The following MATN3 variants were observed in gnomAD, a reference collection of about 807,000 sequenced individuals.
MATN3 encodes matrilin 3.
In MATN3, 48 loss-of-function variants were observed where a neutral mutation model predicts 45.3. The ratio of observed to expected loss-of-function variants is 1.06; its 90% confidence interval spans 0.84 to 1.35. The LOEUF is 1.35. MATN3 is among the 40% of genes most tolerant of loss of function. The pLI is 0.00. For missense variants in MATN3, 599 were observed against 628.0 expected (o/e 0.95, Z 0.49); for synonymous variants, 217 against 245.9 (o/e 0.88, Z 1.10).
At chr2:19,998,893 A>C (rs1334965002) in intron 5 of MATN3, among the ~76,000 whole-genome samples, 1 of 152,154 alleles carries the variant, frequency 6.6e-6, no homozygotes, top group African/African-American at 2.4e-5. Flanking sequence ...CTATGTAACC[A>C]CTAGAGGAAG....
At position 20,005,868 on chromosome 2, in the gene MATN3, C is replaced by T. The variant is rs1297090342; in HGVS notation, c.666G>A (p.Val222=). The change falls in exon 2 of 8, where the codon GTG becomes GTA. Residue 222 remains valine (V), a synonymous_variant. Transcript: ENST00000407540. ...TGAGGGACGCCATGTCTGCCCGGTC[C>T]ACGCCCACAGCATAGAGCTCAATAC... is the stretch of plus-strand genomic sequence containing the variant. ...ASGIELYAVG[V]DRADMASLKM... 1 of 1,609,094 alleles carries T rather than the reference C, an allele frequency of 6.2e-7. No homozygotes were observed. The highest frequency in any genetic ancestry group is 2.2e-5 in the East Asian group (1 of 44,646).
chr2:20,002,607 T>C (rs1220379767), intron 3 of MATN3, among the ~76,000 whole-genome samples: 1 of 152,128 alleles, frequency 6.6e-6, no homozygotes, highest in Non-Finnish European at 1.5e-5. Flanking sequence ...TTTTTGTGTG[T>C]GTGGGTTCTG....
intron 4 of MATN3, among the ~76,000 whole-genome samples, chr2:20,001,424 T>G (rs933187574): frequency 6.6e-6 from 1 of 152,212 alleles, no homozygotes; most frequent in Admixed American, 6.5e-5. Context: ...ACTGGAAAAC[T>G]ATTTTGTGAA....
Position 20,006,255 on chromosome 2 carries a change from G to A in MATN3, c.279C>T (p.Ser93=), listed in dbSNP as rs370980605. The A allele has an allele frequency of 8.4e-5, 135 of 1,606,840 alleles. No individual in the cohort carries two copies. Among genetic ancestry groups the A allele is most frequent in the Non-Finnish European group, 1.1e-4 (127 of 1,177,596 alleles). The change falls in exon 2 of 8, where the codon AGC becomes AGT. Residue 93 remains serine, a synonymous_variant. Transcript: ENST00000407540. ...DLVFIIDSSR[S]VRPLEFTKVK... The stretch of plus-strand genomic sequence containing the variant: ...CTTTGGTGAATTCCAGGGGCCGTAC[G>A]CTACGAGAACTATCAATGATAAACA...
At chr2:20,005,331 T>G (rs932573402) in intron 2 of MATN3, among the ~76,000 whole-genome samples, 2 of 152,138 alleles carry the variant, frequency 1.3e-5, no homozygotes, top group African/African-American at 4.8e-5. Context: ...AGAGTTCTGT[T>G]AGATCTAGAG....
chr2:20,012,580 AG>A lies in MATN3; in HGVS notation c.51del (p.Trp18GlyfsTer85). On this transcript the variant is annotated frameshift_variant, in exon 1 of 8. Coordinates refer to ENST00000407540, the MANE Select transcript of MATN3 (RefSeq NM_002381.5). LOFTEE classifies it high-confidence loss of function. This position sits in a 1 kb window ranked among gnomAD's most constrained non-coding sequence, Gnocchi z 4.3. ...GCGGAGGGCAGCAGCAGCAGCGGCC[AG>A]AGCAGCAGGAGGAGTCCCGGGAGGC... ...ARRLPGLLLL[L>X]WPLLLLPSAA... 1 of 1,226,062 alleles carries A rather than the reference AG, an allele frequency of 8.2e-7. No individual in the cohort carries two copies. Among genetic ancestry groups the A allele is most frequent in the Non-Finnish European group, 1.0e-6 (1 of 985,196 alleles). 75.9% of individuals were successfully genotyped at this position (1,226,062 alleles called of 1,614,324 possible).
In MATN3 at chr2:20,012,561, G is replaced by A. The variant is rs1021441621; in HGVS notation, c.71C>T (p.Pro24Leu). The A allele has an allele frequency of 4.5e-5, 55 of 1,227,198 alleles. No homozygotes were observed. Among genetic ancestry groups the A allele is most frequent in the Admixed American group, 8.5e-5 (2 of 23,404 alleles). 76.0% of individuals were successfully genotyped at this position (1,227,198 alleles called of 1,614,324 possible). ...LLLLWPLLLLPSAAPDPVARP... is the reference protein window; with the variant it reads ...LLLLWPLLLLLSAAPDPVARP... ...GGCCACGGGGTCGGGGGCGGCGGAGGGCAGCAGCAGCAGCGGCCAGAGCAG... is the reference window on the plus strand; with the variant it reads ...GGCCACGGGGTCGGGGGCGGCGGAGAGCAGCAGCAGCAGCGGCCAGAGCAG... The change falls in exon 1 of 8, where the codon CCC (proline) becomes CTC (leucine). Residue 24 changes from proline (P) to leucine (L), a missense_variant. Coordinates refer to ENST00000407540, the MANE Select transcript of MATN3 (RefSeq NM_002381.5). This position sits in a 1 kb window ranked among gnomAD's most constrained non-coding sequence, Gnocchi z 4.3.
intron 5 of MATN3, chr2:19,997,791 C>A (rs1672908614): frequency 6.6e-6 from 1 of 152,014 alleles, no homozygotes. Flanking sequence ...CACACACACA[C>A]AAGCACAGAT....
Position 20,012,125 on chromosome 2 carries a change from G to T in MATN3, c.223+284C>A, listed in dbSNP as rs1241114029. Among the ~76,000 whole-genome samples, 2 of 152,288 alleles carry T rather than the reference G, an allele frequency of 1.3e-5. No individual in the cohort carries two copies. Among genetic ancestry groups the T allele is most frequent in the Admixed American group, 6.5e-5 (1 of 15,296 alleles). ...ACTGGGACGGAGCTTAGCAGCAGCC[G>T]CTGGGCAGCAGCCCCTGCGCTCCCC... On this transcript the variant is annotated intron_variant, in intron 1 of 7. Coordinates refer to ENST00000407540, the MANE Select transcript of MATN3 (RefSeq NM_002381.5). This position sits in a 1 kb window ranked among gnomAD's most constrained non-coding sequence, Gnocchi z 4.3.
intron 2 of MATN3, 60 bp from the exon 3 acceptor site, chr2:20,003,346 C>T: frequency 6.7e-7 from 1 of 1,497,884 alleles, no homozygotes; most frequent in Admixed American, 1.9e-5. Context: ...CAGATACCGT[C>T]TCCCATGTCA....
chr2:19,992,776 T>C lies in MATN3; in HGVS notation c.*335A>G. On this transcript the variant is annotated 3_prime_UTR_variant, in exon 8 of 8. Transcript: ENST00000407540. ...AGACCTAAAGTTTCCATTGTGAATA[T>C]GGTTATCTAATATAAACATTTAAAA... 4.1e-6 allele frequency: 1 copy of C among 246,906 alleles called. No individual in the cohort carries two copies. The highest frequency in any genetic ancestry group is 7.7e-6 in the Non-Finnish European group (1 of 129,642). The allele number at this position is 246,906 out of a possible 1,614,324, so 15.3% of individuals were successfully genotyped here.
At chr2:20,003,416 G>T in intron 2 of MATN3, 130 bp from the exon 3 acceptor site, 1 of 893,996 alleles carries the variant, frequency 1.1e-6, no homozygotes, top group Admixed American at 3.3e-5. Context: ...TAAAAAAATG[G>T]TTATTTGTTT....
chr2:19,998,688 T>C (rs890679362), intron 5 of MATN3, among the ~76,000 whole-genome samples: 10 of 151,372 alleles, frequency 6.6e-5, no homozygotes, highest in Admixed American at 3.3e-4. Flanking sequence ...GCCCGGGAGG[T>C]AGAGGCTGTA....
At chr2:19,996,668 C>T (rs1358937355) in intron 6 of MATN3, among the ~76,000 whole-genome samples, 3 of 152,064 alleles carry the variant, frequency 2.0e-5, no homozygotes, top group Admixed American at 2.0e-4. Context: ...TTTTAAAAGC[C>T]AGGATGAGAG....
At chr2:19,996,033 T>A (rs78283244) in intron 6 of MATN3, among the ~76,000 whole-genome samples, 2 of 152,312 alleles carry the variant, frequency 1.3e-5, no homozygotes, top group East Asian at 3.9e-4. Flanking sequence ...TAATACTTGT[T>A]CAGTGTCTGT....
intron 1 of MATN3, 49 bp from the exon 2 acceptor site, chr2:20,006,359 CCT>C (rs1673107984): frequency 7.2e-7 from 1 of 1,380,626 alleles, no homozygotes; most frequent in Admixed American, 2.4e-5. Flanking sequence ...ATGCAGTAAT[CCT>C]CACTTCCAGA....
intron 7 of MATN3, 105 bp from the exon 8 acceptor site, chr2:19,993,271 GA>G (rs1469222305): frequency 3.3e-5 from 29 of 883,990 alleles, no homozygotes; most frequent in Admixed American, 5.7e-5. Context: ...TATGAGAAGT[GA>G]AAAAAAAGAG....
rs888510648 is a variant in MATN3 at position 19,994,521 on chromosome 2, G to A, written c.1295-112C>T. ...TTCCACCGTTAAGACTTACCTAAGT[G>A]CATTTTCCAAGAGGTAAAGGGATAG... On this transcript the variant is annotated intron_variant, in intron 6 of 7. Transcript: ENST00000407540. 3 of 656,016 alleles carry A rather than the reference G, an allele frequency of 4.6e-6. No individual in the cohort carries two copies. The Admixed American group carries it at 9.6e-5, about 21-fold the overall frequency. The allele number at this position is 656,016 out of a possible 1,614,324, so 40.6% of individuals were successfully genotyped here.
rs1558374599 is a variant in MATN3, at chr2:20,006,003, C to T, written c.531G>A (p.Glu177=). 6.2e-7 allele frequency: 1 copy of T among 1,614,042 alleles called. No homozygotes were observed. The highest frequency in any genetic ancestry group is 1.7e-5 in the Admixed American group (1 of 60,030). The change falls in exon 2 of 8, where the codon GAG becomes GAA. Residue 177 remains glutamate (E), a synonymous_variant. Transcript: ENST00000407540. ...QTAMDEAFTV[E]AGAREPSSNI... is the part of the protein sequence containing the mutation. ...TAGAAGAGGGCTCTCGAGCCCCTGC[C>T]TCCACTGTGAAGGCTTCGTCCATTG...
Sources: gnomAD v4.1 joint callset for allele counts (sites outside exome capture counted in the v4.1 genomes callset) on GRCh38, gnomAD v4.1.1 for gene constraint, Gnocchi (gnomAD v3.1) non-coding constraint, MANE v1.5 for transcripts, NCBI Gene and HGNC (gene_info 2026-07-23, HGNC 2026-07-21) for gene names.